Variants in DDX6 observed in about 807,000 individuals in gnomAD.
DDX6 encodes probable ATP-dependent RNA helicase DDX6.
A neutral mutation model predicts 60.6 loss-of-function variants in DDX6; 7 were observed. The ratio of observed to expected loss-of-function variants is 0.12; its 90% CI spans 0.07 to 0.22. The LOEUF (loss-of-function observed/expected upper bound fraction) is 0.22. Ranked by LOEUF, DDX6 falls within the 10% of genes least tolerant of loss-of-function variation. The pLI, the probability that DDX6 is intolerant of heterozygous loss-of-function variation, is 1.00. For synonymous variants in DDX6, 207 were observed against 201.0 expected, an observed-to-expected ratio of 1.03 and a Z score of -0.25; for missense variants, 270 against 589.9, an observed-to-expected ratio of 0.46 and a Z score of 5.62.
chr11:118,773,256 T>C (rs1439996241), intron 4 of DDX6, among the ~76,000 whole-genome samples: 27 of 152,128 alleles, frequency 1.8e-4, no homozygotes, highest in Admixed American at 1.8e-3. Flanking sequence ...CAAACCTTAA[T>C]TTCCAAGAGG....
chr11:118,780,882 G>A (rs868994245), intron 3 of DDX6, among the ~76,000 whole-genome samples: 8 of 152,128 alleles, frequency 5.3e-5, no homozygotes, highest in African/African-American at 1.7e-4. Context: ...AAATGCCCCC[G>A]GGAGACAAAA....
At chr11:118,778,423 A>G (rs963934920) in intron 4 of DDX6, among the ~76,000 whole-genome samples, 4 of 152,200 alleles carry the variant, frequency 2.6e-5, no homozygotes, top group African/African-American at 9.7e-5. Context: ...CATTGATGAT[A>G]ATAAAAAATG....
At chr11:118,767,085 C>T (rs1202521286) in intron 5 of DDX6, among the ~76,000 whole-genome samples, 2 of 151,834 alleles carry the variant, frequency 1.3e-5, no homozygotes, top group African/African-American at 4.8e-5. Context: ...CAGGGTTTTA[C>T]CATGTTAGCG....
At chr11:118,782,332 A>G (rs1861926492) in intron 2 of DDX6, among the ~76,000 whole-genome samples, 1 of 152,224 alleles carries the variant, frequency 6.6e-6, no homozygotes. Context: ...ATGAAAGAGA[A>G]TAAAAACAAG....
chr11:118,772,186 C>G (rs1861556913), intron 4 of DDX6, among the ~76,000 whole-genome samples: 1 of 152,110 alleles, frequency 6.6e-6, no homozygotes, highest in African/African-American at 2.4e-5. Context: ...CATTAAATCC[C>G]CTTCCTACTT....
In DDX6 at chr11:118,761,819, G is replaced by T. The variant is rs944620875; in HGVS notation, c.741+1393C>A. Among the ~76,000 whole-genome samples the T allele has an allele frequency of 3.4e-5, 5 of 145,742 alleles. No individual in the cohort carries two copies. The Admixed American group carries it at 3.5e-4, about 10-fold the overall frequency. On this transcript the variant is annotated intron_variant, in intron 7 of 13. Coordinates refer to ENST00000534980, the MANE Select transcript of DDX6 (RefSeq NM_004397.6). ...TGTCTACATACTATAGTAACTACTT[G>T]ACAGGATACCTACCTTATAGGTTTC...
chr11:118,790,276 C>A (rs536858891), intron 1 of DDX6: 1 of 152,202 alleles, frequency 6.6e-6, no homozygotes, highest in South Asian at 2.1e-4. Context: ...ACACACACTT[C>A]TGACCATAAA....
chr11:118,790,324 T>A (rs1862228572), intron 1 of DDX6: 1 of 151,906 alleles, frequency 6.6e-6, no homozygotes, highest in Non-Finnish European at 1.5e-5. Context: ...ATCTGCGCAA[T>A]ATGAGCCAGC....
At chr11:118,777,559 A>G (rs944744510) in intron 4 of DDX6, among the ~76,000 whole-genome samples, 2 of 152,136 alleles carry the variant, frequency 1.3e-5, no homozygotes, top group Admixed American at 1.3e-4. Flanking sequence ...CTGGGCCAGG[A>G]TAGGTATAAG....
rs537977677 is a variant in DDX6 at position 118,780,609 on chromosome 11, G to A, written c.264+512C>T. 3.9e-5 allele frequency among the ~76,000 whole-genome samples: 6 copies of A among 152,306 alleles called. No homozygotes were observed. In the South Asian group the frequency reaches 1.2e-3, roughly 32 times the overall value. ...TGGGAATACAGGCAAGAGCCACTGT[G>A]CCCGGCCCTTGGTCACAGTCTCCTA... On this transcript the variant is annotated intron_variant, in intron 3 of 13. Coordinates refer to ENST00000534980, the MANE Select transcript of DDX6 (RefSeq NM_004397.6).
intron 6 of DDX6, among the ~76,000 whole-genome samples, chr11:118,764,821 T>TAC (rs59605753): frequency 2.5e-4 from 35 of 138,996 alleles, no homozygotes; most frequent in East Asian, 4.1e-4. Context: ...AAAAAAAATA[T>TAC]ACACACACAC....
intron 4 of DDX6, among the ~76,000 whole-genome samples, chr11:118,776,582 C>A (rs1259215306): frequency 2.0e-5 from 3 of 152,128 alleles, no homozygotes; most frequent in African/African-American, 7.2e-5. Context: ...CGTCTGTAAT[C>A]CCAACACTTT....
intron 4 of DDX6, among the ~76,000 whole-genome samples, chr11:118,774,464 C>CTTTT (rs11442846): frequency 5.9e-4 from 69 of 116,414 alleles, no homozygotes; most frequent in East Asian, 4.6e-3. Context: ...CTCTAACAGT[C>CTTTT]TTTTTTTTTT....
At chr11:118,756,107 C>G (rs1240290989) in intron 11 of DDX6, among the ~76,000 whole-genome samples, 153 bp downstream of exon 11, 3 of 142,770 alleles carry the variant, frequency 2.1e-5, no homozygotes, top group South Asian at 2.2e-4. Context: ...GTATCAGGAG[C>G]TGACAAGAGT....
intron 4 of DDX6, among the ~76,000 whole-genome samples, chr11:118,769,711 AT>A (rs1241104844): frequency 1.6e-4 from 24 of 148,764 alleles, no homozygotes; most frequent in African/African-American, 3.4e-4. Flanking sequence ...ATTATGTGGA[AT>A]TTTTTTTTTT....
At chr11:118,775,172 G>A (rs1367858036) in intron 4 of DDX6, among the ~76,000 whole-genome samples, 4 of 152,062 alleles carry the variant, frequency 2.6e-5, no homozygotes, top group Admixed American at 6.6e-5. Flanking sequence ...AAAATCAGCC[G>A]GGTATGCTGG....
At chr11:118,766,911 G>GT (rs1555161362) in intron 5 of DDX6, among the ~76,000 whole-genome samples, 7 of 228 alleles carry the variant, frequency 0.031, no homozygotes, top group Non-Finnish European at 0.045. Context: ...TTTTGAGACA[G>GT]ATCTCGCTCT....
Position 118,749,300 on chromosome 11 carries a change from G to A in DDX6, c.*2805C>T, listed in dbSNP as rs1433470484. 8.7e-6 allele frequency: 1 copy of A among 114,786 alleles called. No homozygotes were observed. Among genetic ancestry groups the A allele is most frequent in the African/African-American group, 3.3e-5 (1 of 30,154 alleles). 7.1% of individuals were successfully genotyped at this position (114,786 alleles called of 1,614,324 possible). A position where few individuals can be genotyped will look rare whatever the true frequency, so the allele number is the denominator to read the frequency against. On this transcript the variant is annotated 3_prime_UTR_variant, in exon 14 of 14. Transcript: ENST00000534980. ...AAAAATACATATTTAATATTGGAAAGAATGTGAAAACAACTTCCAATAGTA... is the reference window on the plus strand; with the variant it reads ...AAAAATACATATTTAATATTGGAAAAAATGTGAAAACAACTTCCAATAGTA...
Position 118,754,748 on chromosome 11 carries a change from T to G in DDX6, c.1416A>C (p.Glu472Asp). 7 of 1,613,256 alleles carry G rather than the reference T, an allele frequency of 4.3e-6. No homozygotes were observed. The South Asian group carries it at 7.7e-5, about 18-fold the overall frequency. ...SNIDKSLYVAEYHSEPVEDEK... is the reference protein window; with the variant it reads ...SNIDKSLYVADYHSEPVEDEK... Reference sequence around the variant, plus strand: ...CATCTTCTACAGGCTCGCTGTGGTATTCTGCCACATACAGGCTCTTATCAA... The same window carrying G: ...CATCTTCTACAGGCTCGCTGTGGTAGTCTGCCACATACAGGCTCTTATCAA... Residue 472 changes from glutamate to aspartate, a missense_variant, in exon 13 of 14, where the codon GAA (glutamate) becomes GAC (aspartate). Physicochemically the swap from Glu to Asp is conservative, Grantham distance 45. This residue lies in a region of DDX6 where 34 missense variants were observed against 59.4 expected (regional missense o/e 0.57). Coordinates refer to ENST00000534980, the MANE Select transcript of DDX6 (RefSeq NM_004397.6).
Sources: allele counts gnomAD v4.1 joint callset (sites outside exome capture counted in the v4.1 genomes callset), GRCh38; gene constraint gnomAD v4.1.1; regional missense constraint gnomAD v4.1.1; transcripts MANE v1.5; gene names NCBI Gene and HGNC (gene_info 2026-07-23, HGNC 2026-07-21).